The following ADAMTS18 variants were observed in gnomAD, a reference collection of about 807,000 sequenced individuals.
The protein encoded by ADAMTS18 is ADAM metallopeptidase with thrombospondin type 1 motif 18, also known as A disintegrin and metalloproteinase with thrombospondin motifs 18.
In ADAMTS18, 157 loss-of-function variants were observed where a neutral mutation model predicts 165.9. The ratio of observed to expected loss-of-function variants is 0.95; its 90% CI spans 0.83 to 1.08. The LOEUF (loss-of-function observed/expected upper bound fraction) is 1.08. Among genes scored for constraint, ADAMTS18 ranks in the 50% least tolerant of loss-of-function variants. The pLI is 0.00. For missense variants in ADAMTS18, 2,040 were observed against 1,534.0 expected (o/e 1.33, Z -5.51); for synonymous variants, 782 against 578.2 (o/e 1.35, Z -5.06).
At chr16:77,355,165 G>C (rs963125269) in intron 9 of ADAMTS18, among the ~76,000 whole-genome samples, 2 of 151,582 alleles carry the variant, frequency 1.3e-5, no homozygotes, top group Non-Finnish European at 2.9e-5. Context: ...TAGCATCTAA[G>C]TGTCCTTGTG....
intron 3 of ADAMTS18, among the ~76,000 whole-genome samples, chr16:77,394,819 G>C (rs991234939): frequency 2.8e-4 from 43 of 152,270 alleles, no homozygotes; most frequent in African/African-American, 1.0e-3. Flanking sequence ...CATCAGGCTT[G>C]AGATGGTCCT....
intron 3 of ADAMTS18, among the ~76,000 whole-genome samples, chr16:77,371,779 A>G (rs1404175921): frequency 2.0e-5 from 3 of 152,216 alleles, no homozygotes; most frequent in Non-Finnish European, 4.4e-5. Flanking sequence ...ATGGAAGTGT[A>G]TCAATCTAAA....
chr16:77,376,487 C>A (rs1168969835), intron 3 of ADAMTS18, among the ~76,000 whole-genome samples: 3 of 152,146 alleles, frequency 2.0e-5, no homozygotes, highest in Non-Finnish European at 2.9e-5. Context: ...CCCAACTCTC[C>A]ACCCAGGGAA....
rs146696654 is a variant in ADAMTS18, at chr16:77,355,994, T to C, written c.1406A>G (p.Asn469Ser). 1.4e-5 allele frequency: 22 copies of C among 1,614,084 alleles called. No individual in the cohort carries two copies. Among genetic ancestry groups the C allele is most frequent in the Middle Eastern group, 3.3e-4 (2 of 6,062 alleles). ...NIMSPTLTGN[N>S]GVFSWSSCSR... is the part of the protein sequence containing the mutation. ...GCAGGAAGACCATGAAAACACTCCA[T>C]TGTTTCCGGTCAGTGTGGGAGACAT... Residue 469 changes from asparagine to serine, a missense_variant, in exon 9 of 23, where the codon AAT becomes AGT. Transcript: ENST00000282849.
At chr16:77,284,275 G>C (rs945238962) in intron 22 of ADAMTS18, among the ~76,000 whole-genome samples, 2 of 151,874 alleles carry the variant, frequency 1.3e-5, no homozygotes, top group African/African-American at 4.8e-5. Flanking sequence ...ATAGGCAAGT[G>C]CCACCAAGCC....
At chr16:77,295,292 A>G (rs1456510966) in intron 18 of ADAMTS18, among the ~76,000 whole-genome samples, 165 bp from the exon 19 acceptor site, 1 of 152,226 alleles carries the variant, frequency 6.6e-6, no homozygotes, top group African/African-American at 2.4e-5. Flanking sequence ...GGCTTATACT[A>G]ATGTGATTGA....
chr16:77,430,731 A>C (rs911347002), intron 3 of ADAMTS18, among the ~76,000 whole-genome samples: 1 of 152,226 alleles, frequency 6.6e-6, no homozygotes, highest in Non-Finnish European at 1.5e-5. Flanking sequence ...TGCTTTTAAA[A>C]GGTTCTGCTT....
In ADAMTS18 at chr16:77,406,439, C is replaced by T. The variant is rs545446983; in HGVS notation, c.495+24856G>A. ...ATCACGATTGAAACAAAGATGCTTGCTTTTATCACTTGTAATTATCACCAC... is the reference window on the plus strand; with the variant it reads ...ATCACGATTGAAACAAAGATGCTTGTTTTTATCACTTGTAATTATCACCAC... On this transcript the variant is annotated intron_variant, in intron 3 of 22. Coordinates refer to ENST00000282849, the MANE Select transcript of ADAMTS18 (RefSeq NM_199355.4). 1.7e-4 allele frequency among the ~76,000 whole-genome samples: 26 copies of T among 152,048 alleles called. 1 individual carries two copies. The highest frequency in any genetic ancestry group is 3.2e-4 in the Non-Finnish European group (22 of 67,946).
intron 11 of ADAMTS18, among the ~76,000 whole-genome samples, chr16:77,336,992 AC>A (rs1439113329): frequency 6.6e-6 from 1 of 152,128 alleles, no homozygotes; most frequent in Non-Finnish European, 1.5e-5. Flanking sequence ...TCAAATCTTC[AC>A]TTATCCCCTG....
intron 3 of ADAMTS18, among the ~76,000 whole-genome samples, chr16:77,384,376 T>C (rs1436550673): frequency 1.3e-5 from 2 of 152,224 alleles, no homozygotes; most frequent in African/African-American, 2.4e-5. Flanking sequence ...AGTTTCTCTC[T>C]CTTTCCCTGT....
intron 4 of ADAMTS18, among the ~76,000 whole-genome samples, chr16:77,364,644 G>A (rs575519853): frequency 6.2e-4 from 92 of 148,042 alleles, no homozygotes; most frequent in Non-Finnish European, 1.2e-3. Flanking sequence ...GTGGATGGAT[G>A]GATGGTGGAT....
intron 3 of ADAMTS18, among the ~76,000 whole-genome samples, chr16:77,382,393 G>A (rs2057044536): frequency 6.6e-6 from 1 of 152,124 alleles, no homozygotes; most frequent in Non-Finnish European, 1.5e-5. Flanking sequence ...TGTATTTTTA[G>A]TAGAGACGGG....
chr16:77,416,461 G>A (rs2057531614), intron 3 of ADAMTS18, among the ~76,000 whole-genome samples: 1 of 152,268 alleles, frequency 6.6e-6, no homozygotes, highest in East Asian at 1.9e-4. Context: ...TCATGGGGGT[G>A]GTTTTCCCCA....
rs1323156552 is a variant in ADAMTS18, at chr16:77,293,014, T to C, written c.3189+62A>G. On this transcript the variant is annotated intron_variant, in intron 20 of 22. Transcript: ENST00000282849. ...TTTTGTATTTTTAGTAGAGACAGGGTTTCACTGTGTTAGCCAGGATGGTCT... is the reference window on the plus strand; with the variant it reads ...TTTTGTATTTTTAGTAGAGACAGGGCTTCACTGTGTTAGCCAGGATGGTCT... 3 of 1,603,230 alleles carry C rather than the reference T, an allele frequency of 1.9e-6. No individual in the cohort carries two copies. The African/African-American group carries it at 4.0e-5, about 21-fold the overall frequency.
At chr16:77,345,556 G>T (rs2056463636) in intron 10 of ADAMTS18, among the ~76,000 whole-genome samples, 1 of 152,132 alleles carries the variant, frequency 6.6e-6, no homozygotes, top group African/African-American at 2.4e-5. Context: ...AGCCTCAAAG[G>T]CTTTTACCCG....
chr16:77,368,304 G>A (rs1249151611), intron 3 of ADAMTS18, among the ~76,000 whole-genome samples: 1 of 152,172 alleles, frequency 6.6e-6, no homozygotes, highest in African/African-American at 2.4e-5. Context: ...GTGCCTGAAG[G>A]GCTGAGCCAT....
intron 3 of ADAMTS18, among the ~76,000 whole-genome samples, chr16:77,379,866 A>G (rs1203184070): frequency 1.3e-5 from 2 of 152,168 alleles, no homozygotes; most frequent in African/African-American, 2.4e-5. Context: ...GTCACTTCAC[A>G]GATGTTCACT....
chr16:77,308,878 CACTT>C (rs1434592641), intron 16 of ADAMTS18, among the ~76,000 whole-genome samples: 4 of 152,212 alleles, frequency 2.6e-5, no homozygotes, highest in Non-Finnish European at 5.9e-5. Context: ...AACACACACA[CACTT>C]AATTTAGATA....
At chr16:77,433,973 T>G (rs985854805) in intron 2 of ADAMTS18, among the ~76,000 whole-genome samples, 26 of 150,292 alleles carry the variant, frequency 1.7e-4, no homozygotes, top group East Asian at 9.8e-4. Flanking sequence ...AAAGAAGAGA[T>G]AGAAAAGGAA....
Sources: gnomAD v4.1 joint callset for allele counts (sites outside exome capture counted in the v4.1 genomes callset) on GRCh38, gnomAD v4.1.1 for gene constraint, MANE v1.5 for transcripts, NCBI Gene and HGNC (gene_info 2026-07-23, HGNC 2026-07-21) for gene names.